The following BAZ1A variants were observed in gnomAD, a reference collection of about 807,000 sequenced individuals.
BAZ1A encodes bromodomain adjacent to zinc finger domain 1A.
Under a neutral mutation model 185.2 loss-of-function variants are expected in BAZ1A, and 50 were observed. The ratio of observed to expected loss-of-function variants is 0.27; its 90% CI spans 0.22 to 0.34. The LOEUF is 0.34. Among genes scored for constraint, BAZ1A ranks in the 10% least tolerant of loss-of-function variants. BAZ1A has a pLI of 1.00. For missense variants in BAZ1A, 1,356 were observed against 1,839.9 expected (o/e 0.74, Z 4.81); for synonymous variants, 571 against 615.6 (o/e 0.93, Z 1.07).
At chr14:34,835,472 G>C (rs1462355095) in intron 3 of BAZ1A, among the ~76,000 whole-genome samples, 1 of 151,830 alleles carries the variant, frequency 6.6e-6, no homozygotes, top group Non-Finnish European at 1.5e-5. Context: ...TCTATTATTA[G>C]AGTTGAAGGG....
At chr14:34,865,908 C>A (rs963732920) in intron 2 of BAZ1A, among the ~76,000 whole-genome samples, 2 of 152,126 alleles carry the variant, frequency 1.3e-5, no homozygotes, top group Admixed American at 1.3e-4. Context: ...TAGGTCTTAG[C>A]CAGACACGAT....
intron 2 of BAZ1A, among the ~76,000 whole-genome samples, chr14:34,872,142 T>C (rs1321501414): frequency 6.6e-6 from 1 of 152,168 alleles, no homozygotes; most frequent in Non-Finnish European, 1.5e-5. Context: ...AATGGTCAAA[T>C]ACCTTTGCTC....
Position 34,773,633 on chromosome 14 carries a change from C to T in BAZ1A, c.3091G>A (p.Val1031Met). The change falls in exon 20 of 27, where the codon GTG (valine) becomes ATG (methionine). Residue 1031 changes from valine (V) to methionine (M), a missense_variant. Val to Met is a conservative substitution (Grantham distance 21). This residue lies in a region of BAZ1A where 434 missense variants were observed against 561.7 expected (regional missense o/e 0.77). Transcript: ENST00000360310. The stretch of plus-strand genomic sequence containing the variant: ...TCCATCTCTTCTACGTCTTCATTCA[C>T]AGTTTTAATTATCCCATTTTCCTTG... ...ENKENGIIKT[V>M]NEDVEEMEID... 6.2e-7 allele frequency: 1 copy of T among 1,613,112 alleles called. No homozygotes were observed. The highest frequency in any genetic ancestry group is 1.3e-5 in the African/African-American group (1 of 75,008).
chr14:34,855,356 T>G (rs2042660277), intron 3 of BAZ1A, among the ~76,000 whole-genome samples: 1 of 152,142 alleles, frequency 6.6e-6, no homozygotes, highest in Non-Finnish European at 1.5e-5. Context: ...TTTCTGTACC[T>G]CACTTCCATT....
intron 3 of BAZ1A, chr14:34,845,268 C>CT (rs1443111704): frequency 3.0e-5 from 3 of 100,876 alleles, no homozygotes; most frequent in African/African-American, 9.6e-5. Context: ...AATTCTTCAA[C>CT]TTTTTCTTTT....
At chr14:34,785,656 G>C in intron 14 of BAZ1A, 121 bp downstream of exon 14, 1 of 732,698 alleles carries the variant, frequency 1.4e-6, no homozygotes, top group Non-Finnish European at 2.2e-6. Context: ...ACAATAGTTT[G>C]CTTTCTCTTT....
chr14:34,822,037 G>A (rs1468424939), intron 4 of BAZ1A, among the ~76,000 whole-genome samples: 9 of 152,208 alleles, frequency 5.9e-5, no homozygotes, highest in South Asian at 2.1e-4. Flanking sequence ...GCTCACACCT[G>A]TAATCCCAGC....
Position 34,801,370 on chromosome 14 carries a change from C to T in BAZ1A, c.862-177G>A, listed in dbSNP as rs151210816. ...GCAGTGGTGTGATCTCGGCTCACTG[C>T]AACCTCTGCCTCCTGGGCTCAAGTG... is the stretch of plus-strand genomic sequence containing the variant. On this transcript the variant is annotated intron_variant, in intron 7 of 26. Transcript: ENST00000360310. Among the ~76,000 whole-genome samples, 861 of 152,296 alleles carry T rather than the reference C, an allele frequency of 5.7e-3. 8 individuals carry two copies. The highest frequency in any genetic ancestry group is 0.02 in the African/African-American group (820 of 41,568).
At position 34,753,531 on chromosome 14, in the gene BAZ1A, C is replaced by G. The variant is rs776886321; in HGVS notation, c.4648G>C (p.Ala1550Pro). Reference protein sequence around the residue: ...SNVDQVSTPPAAKKSRI With the variant: ...SNVDQVSTPPPAKKSRI ...AGTCAGATTCGTGACTTTTTCGCAGCCGGTGGTGTGCTAACTTGGTCCACA... is the reference window on the plus strand; with the variant it reads ...AGTCAGATTCGTGACTTTTTCGCAGGCGGTGGTGTGCTAACTTGGTCCACA... The change falls in exon 27 of 27, where the codon GCT (alanine) becomes CCT (proline). Residue 1550 changes from alanine (A) to proline (P), a missense_variant. Physicochemically the swap from Ala to Pro is conservative, Grantham distance 27 (BLOSUM62 -1). Coordinates refer to ENST00000360310, the MANE Select transcript of BAZ1A (RefSeq NM_013448.3). The G allele has an allele frequency of 4.3e-6, 7 of 1,613,950 alleles. No individual in the cohort carries two copies. Among genetic ancestry groups the G allele is most frequent in the Non-Finnish European group, 5.9e-6 (7 of 1,179,972 alleles).
chr14:34,789,222 T>C (rs1880688368), intron 12 of BAZ1A, among the ~76,000 whole-genome samples: 2 of 152,208 alleles, frequency 1.3e-5, no homozygotes, highest in Non-Finnish European at 2.9e-5. Flanking sequence ...GTAAAAGGTG[T>C]TGGCTCTCAT....
At chr14:34,839,839 C>CAAAAAAAAAAA (rs60954768) in intron 3 of BAZ1A, among the ~76,000 whole-genome samples, 4,525 of 106,040 alleles carry the variant, frequency 0.043, 119 homozygotes, top group Non-Finnish European at 0.067. Flanking sequence ...GCCTCTGTTT[C>CAAAAAAAAAAA]AAAAAAAAAA....
intron 17 of BAZ1A, among the ~76,000 whole-genome samples, chr14:34,777,659 A>G (rs1357288423): frequency 6.7e-6 from 1 of 150,292 alleles, no homozygotes; most frequent in South Asian, 2.1e-4. Context: ...AAAAAAAAAA[A>G]GGGAAAATTC....
intron 4 of BAZ1A, among the ~76,000 whole-genome samples, chr14:34,824,419 AAAAAAAAAG>A (rs1160032951): frequency 6.7e-6 from 1 of 149,248 alleles, no homozygotes; most frequent in South Asian, 2.1e-4. Context: ...AAAAAAAAAA[AAAAAAAAAG>A]AAGAGATGTA....
chr14:34,773,875 T>A, intron 19 of BAZ1A, 149 bp from the exon 20 acceptor site: 1 of 771,552 alleles, frequency 1.3e-6, no homozygotes, highest in Non-Finnish European at 2.0e-6. Flanking sequence ...GGTTACTAAG[T>A]GGCCAAACTG....
At chr14:34,860,281 G>GTGGA (rs1272608131) in intron 3 of BAZ1A, among the ~76,000 whole-genome samples, 2 of 151,984 alleles carry the variant, frequency 1.3e-5, no homozygotes, top group African/African-American at 4.8e-5. Flanking sequence ...GCCAAGGCAG[G>GTGGA]TGGATTACTT....
chr14:34,771,499 A>G lies in BAZ1A; in HGVS notation c.3301+12T>C, dbSNP rs1215832880. 1 of 1,599,608 alleles carries G rather than the reference A, an allele frequency of 6.3e-7. No individual in the cohort carries two copies. The highest frequency in any genetic ancestry group is 8.5e-7 in the Non-Finnish European group (1 of 1,175,686). On this transcript the variant is annotated intron_variant, in intron 21 of 26. Coordinates refer to ENST00000360310, the MANE Select transcript of BAZ1A (RefSeq NM_013448.3). ...ACACAACTAATATTTTGAAATAAAA[A>G]CAGATACTTACCAAGTGGAGCTTTC...
intron 2 of BAZ1A, among the ~76,000 whole-genome samples, chr14:34,872,359 G>C (rs79636828): frequency 0.15 from 22,333 of 152,224 alleles, 1,843 homozygotes; most frequent in Middle Eastern, 0.2. Context: ...CACTTTGGGA[G>C]ACCAAGGCAG....
chr14:34,829,393 A>C (rs935167246), intron 3 of BAZ1A, among the ~76,000 whole-genome samples: 7 of 152,114 alleles, frequency 4.6e-5, no homozygotes, highest in Non-Finnish European at 1.0e-4. Context: ...TATCTAAAAA[A>C]ATAAACAAAA....
At chr14:34,782,570 T>A (rs1003380274) in intron 16 of BAZ1A, among the ~76,000 whole-genome samples, 1 of 152,164 alleles carries the variant, frequency 6.6e-6, no homozygotes, top group African/African-American at 2.4e-5. Flanking sequence ...TTGCAAATAT[T>A]TTCTTCTACT....
Sources: allele counts gnomAD v4.1 joint callset (sites outside exome capture counted in the v4.1 genomes callset), GRCh38; gene constraint gnomAD v4.1.1; regional missense constraint gnomAD v4.1.1; transcripts MANE v1.5; gene names NCBI Gene and HGNC (gene_info 2026-07-23, HGNC 2026-07-21).